The following AKAP13 variants were observed in gnomAD, a reference collection of about 807,000 sequenced individuals.
AKAP13 encodes A-kinase anchoring protein 13.
A neutral mutation model predicts 264.5 loss-of-function variants in AKAP13; 80 were observed. The observed-to-expected ratio is 0.30, with a 90% CI of 0.25 to 0.36. The LOEUF is 0.36. AKAP13 is among the 10% of genes least tolerant of loss of function. The pLI, the probability that AKAP13 is intolerant of heterozygous loss-of-function variation, is 1.00. For missense variants in AKAP13, 3,712 were observed against 3,435.2 expected (o/e 1.08, Z -2.01); for synonymous variants, 1,380 against 1,250.2 (o/e 1.10, Z -2.19).
In AKAP13 at chr15:85,740,587, G is replaced by C. The variant is rs1198541205; in HGVS notation, c.7608+315G>C. ...GTATGATTATAAGTTTCTATATTCC[G>C]TATCTCTGTGGTATTTGAATAGAGT... is the stretch of plus-strand genomic sequence containing the variant. On this transcript the variant is annotated intron_variant, in intron 34 of 36. Coordinates refer to ENST00000394518, the MANE Select transcript of AKAP13 (RefSeq NM_007200.5). The C allele has an allele frequency of 1.4e-5, 5 of 369,564 alleles. No homozygotes were observed. In the East Asian group the frequency reaches 2.4e-4, roughly 18 times the overall value. The allele number at this position is 369,564 out of a possible 1,614,324, so 22.9% of individuals were successfully genotyped here.
chr15:85,730,003 A>G lies in AKAP13; in HGVS notation c.7088-510A>G, dbSNP rs1248629899. Among the ~76,000 whole-genome samples the G allele has an allele frequency of 3.3e-5, 5 of 152,220 alleles. No individual in the cohort carries two copies. In the East Asian group the frequency reaches 9.6e-4, roughly 29 times the overall value. On this transcript the variant is annotated intron_variant, in intron 29 of 36. Transcript: ENST00000394518. ...AGACAGCTCAGGATGGAGCTGAGAC[A>G]GGAGCCCAGATAAGAGATTCCATTG...
chr15:85,382,499 G>C (rs1459046911), intron 1 of AKAP13, among the ~76,000 whole-genome samples: 1 of 152,188 alleles, frequency 6.6e-6, no homozygotes, highest in Non-Finnish European at 1.5e-5. Context: ...TGTGATTGTG[G>C]GGAAGGAGGT....
chr15:85,392,919 T>G (rs1272232481), intron 1 of AKAP13, among the ~76,000 whole-genome samples: 2 of 152,258 alleles, frequency 1.3e-5, no homozygotes, highest in Non-Finnish European at 2.9e-5. Context: ...TTTTTAGAAG[T>G]ATCCTTTTTC....
rs530216666 is a variant in AKAP13 at position 85,661,171 on chromosome 15, A to G, written c.4799+2581A>G. ...GATAGCTTTTGTTAATAAAAATCCC[A>G]ACATTTCCATGCAGTTTCCTTTATA... On this transcript the variant is annotated intron_variant, in intron 12 of 36. Transcript: ENST00000394518. Among the ~76,000 whole-genome samples, 24 of 152,332 alleles carry G rather than the reference A, an allele frequency of 1.6e-4. No individual in the cohort carries two copies. The East Asian group carries it at 4.0e-3, about 26-fold the overall frequency.
chr15:85,520,588 C>T lies in AKAP13; in HGVS notation c.34-840C>T, dbSNP rs766936833. ...AAAGTCATAGACAAAGTTATTGGCTCAAGATTTTTGTCTGATTTTATGGGA... is the reference window on the plus strand; with the variant it reads ...AAAGTCATAGACAAAGTTATTGGCTTAAGATTTTTGTCTGATTTTATGGGA... On this transcript the variant is annotated intron_variant, in intron 2 of 36. Coordinates refer to ENST00000394518, the MANE Select transcript of AKAP13 (RefSeq NM_007200.5). 4 of 505,074 alleles carry T rather than the reference C, an allele frequency of 7.9e-6. No homozygotes were observed. In the East Asian group the frequency reaches 1.7e-4, roughly 21 times the overall value. The allele number at this position is 505,074 out of a possible 1,614,324, so 31.3% of individuals were successfully genotyped here. A position where few individuals can be genotyped will look rare whatever the true frequency, so the allele number is the denominator to read the frequency against.
intron 1 of AKAP13, among the ~76,000 whole-genome samples, chr15:85,412,572 T>A (rs2072028397): frequency 6.6e-6 from 1 of 152,232 alleles, no homozygotes; most frequent in Admixed American, 6.5e-5. Flanking sequence ...ATTTTATAAA[T>A]TTTTCAGTTT....
At chr15:85,689,264 C>T in intron 16 of AKAP13, among the ~76,000 whole-genome samples, 1 of 152,154 alleles carries the variant, frequency 6.6e-6, no homozygotes, top group Non-Finnish European at 1.5e-5. Context: ...TACCCATAGG[C>T]CTTTCAGAAG....
chr15:85,578,879 A>G (rs778080939), intron 6 of AKAP13, 51 bp from the exon 7 acceptor site: 15 of 1,560,308 alleles, frequency 9.6e-6, no homozygotes, highest in Non-Finnish European at 1.3e-5. Context: ...GGTGTCAGTG[A>G]CATCTTCTCC....
chr15:85,419,761 C>T (rs953860113), intron 1 of AKAP13, among the ~76,000 whole-genome samples: 2 of 151,984 alleles, frequency 1.3e-5, no homozygotes, highest in Admixed American at 6.6e-5. Flanking sequence ...TGTATGTAAT[C>T]TATTCTGTTG....
At chr15:85,457,937 C>T (rs376555022) in intron 1 of AKAP13, among the ~76,000 whole-genome samples, 1 of 151,888 alleles carries the variant, frequency 6.6e-6, no homozygotes, top group Admixed American at 6.6e-5. Flanking sequence ...GTCACGAAAT[C>T]GAGACCAGCC....
intron 8 of AKAP13, among the ~76,000 whole-genome samples, chr15:85,594,978 CT>C (rs1253876254): frequency 1.3e-5 from 2 of 152,156 alleles, no homozygotes; most frequent in East Asian, 3.8e-4. Flanking sequence ...GTCTCCTAGG[CT>C]GCTCAATTTT....
At chr15:85,525,603 A>G (rs1017748024) in intron 3 of AKAP13, among the ~76,000 whole-genome samples, 6 of 152,274 alleles carry the variant, frequency 3.9e-5, no homozygotes, top group South Asian at 2.1e-4. Context: ...GTATACTTCT[A>G]GTAATGAAAG....
chr15:85,563,227 A>G (rs913136838), intron 5 of AKAP13, among the ~76,000 whole-genome samples: 1 of 150,108 alleles, frequency 6.7e-6, no homozygotes, highest in Non-Finnish European at 1.5e-5. Flanking sequence ...AGGAAAAGGT[A>G]GGTTGGTGTC....
chr15:85,651,652 C>G (rs1310323142), intron 10 of AKAP13: 1 of 152,126 alleles, frequency 6.6e-6, no homozygotes, highest in Admixed American at 6.5e-5. Context: ...TTGATAGAAG[C>G]CTTCATTCAC....
At chr15:85,426,955 GT>G (rs71468105) in intron 1 of AKAP13, among the ~76,000 whole-genome samples, 42 of 125,072 alleles carry the variant, frequency 3.4e-4, no homozygotes, top group South Asian at 5.2e-4. Context: ...GTTTTGTTTT[GT>G]TTTTTTTTTT....
intron 1 of AKAP13, among the ~76,000 whole-genome samples, chr15:85,461,093 A>G (rs550373809): frequency 6.6e-6 from 1 of 151,468 alleles, no homozygotes; most frequent in South Asian, 2.1e-4. Flanking sequence ...AAGCTCTTTA[A>G]GGACAAGGAC....
intron 20 of AKAP13, 109 bp downstream of exon 20, chr15:85,716,032 A>C: frequency 7.2e-7 from 1 of 1,386,360 alleles, no homozygotes; most frequent in Admixed American, 2.9e-5. Flanking sequence ...ATAAATCTAT[A>C]AGGTCATGGG....
chr15:85,588,955 T>G (rs2079472818), intron 8 of AKAP13, among the ~76,000 whole-genome samples: 1 of 152,182 alleles, frequency 6.6e-6, no homozygotes, highest in Non-Finnish European at 1.5e-5. Context: ...TGTGTTTGCT[T>G]CCACCGTGTA....
intron 1 of AKAP13, among the ~76,000 whole-genome samples, chr15:85,385,209 A>C (rs773036602): frequency 9.9e-5 from 15 of 152,240 alleles, no homozygotes; most frequent in Non-Finnish European, 2.9e-5. Flanking sequence ...AGTTATTCAC[A>C]ACAAGAAAGA....
Sources: allele counts gnomAD v4.1 joint callset (sites outside exome capture counted in the v4.1 genomes callset), GRCh38; gene constraint gnomAD v4.1.1; transcripts MANE v1.5; gene names NCBI Gene and HGNC (gene_info 2026-07-23, HGNC 2026-07-21).